The following SEMA6A variants were observed in gnomAD, a reference collection of about 807,000 sequenced individuals.
SEMA6A encodes the protein semaphorin-6A.
SEMA6A carries 25 observed loss-of-function variants against 96.8 expected under a neutral mutation model. The observed-to-expected ratio is 0.26, with a 90% CI of 0.19 to 0.36. SEMA6A has a LOEUF of 0.36. Among genes scored for constraint, SEMA6A ranks in the 10% least tolerant of loss-of-function variants. The pLI is 1.00. For missense variants in SEMA6A, 1,363 were observed against 1,323.1 expected (o/e 1.03, Z -0.47); for synonymous variants, 612 against 518.0 (o/e 1.18, Z -2.46).
intron 18 of SEMA6A, 60 bp downstream of exon 18, chr5:116,467,523 A>C (rs1167106232): frequency 6.6e-6 from 10 of 1,509,806 alleles, no homozygotes; most frequent in Non-Finnish European, 8.9e-6. Flanking sequence ...GCAGTTACAC[A>C]GTCCTCCCCA....
intron 18 of SEMA6A, among the ~76,000 whole-genome samples, chr5:116,464,350 T>A (rs1755598691): frequency 6.6e-6 from 1 of 152,152 alleles, no homozygotes; most frequent in Admixed American, 6.5e-5. Context: ...TTTTTACTAA[T>A]GAATCCAGGG....
intron 1 of SEMA6A, among the ~76,000 whole-genome samples, chr5:116,518,467 A>C (rs1335495999): frequency 6.6e-6 from 1 of 152,246 alleles, no homozygotes; most frequent in Non-Finnish European, 1.5e-5. Flanking sequence ...CAATCACTTT[A>C]ATTACCATCT....
chr5:116,495,723 G>A (rs1380058354), intron 5 of SEMA6A: 3 of 506,406 alleles, frequency 5.9e-6, no homozygotes, highest in East Asian at 6.9e-5. Context: ...ACAAAGCATA[G>A]AATGGAAGAT....
At chr5:116,536,866 T>TTAAAAAAA (rs1561524239) in intron 1 of SEMA6A, among the ~76,000 whole-genome samples, 1 of 69,480 alleles carries the variant, frequency 1.4e-5, no homozygotes, top group Non-Finnish European at 2.9e-5. Context: ...TGTGATTTCT[T>TTAAAAAAA]AAAAAAAAAA....
At chr5:116,526,708 TGC>T (rs1417307859) in intron 1 of SEMA6A, among the ~76,000 whole-genome samples, 3 of 152,238 alleles carry the variant, frequency 2.0e-5, no homozygotes, top group African/African-American at 7.2e-5. Flanking sequence ...TACTATAGAT[TGC>T]ACTAGGCTTT....
intron 1 of SEMA6A, among the ~76,000 whole-genome samples, chr5:116,561,598 T>C (rs1381251598): frequency 6.6e-6 from 1 of 152,250 alleles, no homozygotes; most frequent in Non-Finnish European, 1.5e-5. Flanking sequence ...AGAATTTGCA[T>C]TTCAATAACA....
chr5:116,471,440 T>G (rs1270640692), intron 17 of SEMA6A: 2 of 152,214 alleles, frequency 1.3e-5, no homozygotes, highest in Admixed American at 6.5e-5. Context: ...TTTCAAGATC[T>G]TAATTTCTCA....
Position 116,495,987 on chromosome 5 carries a change from A to T in SEMA6A, c.342+264T>A, listed in dbSNP as rs574732756. The T allele has an allele frequency of 2.2e-5, 9 of 410,940 alleles. No homozygotes were observed. The South Asian group carries it at 2.3e-4, about 10-fold the overall frequency. The allele number at this position is 410,940 out of a possible 1,614,324, so 25.5% of individuals were successfully genotyped here. A position where few individuals can be genotyped will look rare whatever the true frequency, so the allele number is the denominator to read the frequency against. On this transcript the variant is annotated intron_variant, in intron 5 of 18. Transcript: ENST00000343348. ...CATCGGCGTACACTCAGAAGACAAG[A>T]CTCTGGGCAGCCGGCTTTGTGTCCA...
chr5:116,524,499 A>G (rs771957276), intron 1 of SEMA6A, among the ~76,000 whole-genome samples: 33 of 152,178 alleles, frequency 2.2e-4, no homozygotes, highest in Non-Finnish European at 4.1e-4. Flanking sequence ...ACTCCTTTTC[A>G]AGTTATTTGT....
rs758718062 is a variant in SEMA6A, at chr5:116,446,774, C to T, written c.2932G>A (p.Gly978Ser). The part of the protein sequence containing the change: ...SIQVHSSQPS[G>S]QAVTVSRQPS... Reference sequence around the variant, plus strand: ...TGCCTCGAGACAGTCACGGCCTGGCCAGATGGCTGGGAGCTGTGCACCTGG... The same window carrying T: ...TGCCTCGAGACAGTCACGGCCTGGCTAGATGGCTGGGAGCTGTGCACCTGG... The change falls in exon 19 of 19, where the codon GGC becomes AGC. Residue 978 changes from glycine to serine, a missense_variant. Transcript: ENST00000343348. 3.1e-6 allele frequency: 5 copies of T among 1,611,702 alleles called. No homozygotes were observed. Among genetic ancestry groups the T allele is most frequent in the Admixed American group, 1.7e-5 (1 of 59,568 alleles).
rs1757936930 is a variant in SEMA6A, at chr5:116,502,567, G to T, written c.101-240C>A. On this transcript the variant is annotated intron_variant, in intron 2 of 18. Transcript: ENST00000343348. ...TATAAGCCTGGATTTATATTTCTAA[G>T]TGTCACAATTTTTGATTTGTCTCTC... The T allele has an allele frequency of 1.1e-5, 5 of 445,796 alleles. No homozygotes were observed. In the South Asian group the frequency reaches 1.8e-4, roughly 16 times the overall value. The allele number at this position is 445,796 out of a possible 1,614,324, so 27.6% of individuals were successfully genotyped here.
chr5:116,548,530 T>C (rs1580503709), intron 1 of SEMA6A, among the ~76,000 whole-genome samples: 1 of 152,206 alleles, frequency 6.6e-6, no homozygotes, highest in East Asian at 1.9e-4. Flanking sequence ...GGTGTATAAA[T>C]ATAATGCTGC....
chr5:116,470,321 C>T (rs918440084), intron 17 of SEMA6A, among the ~76,000 whole-genome samples: 5 of 152,100 alleles, frequency 3.3e-5, no homozygotes, highest in Admixed American at 3.3e-4. Context: ...AATAGGCAAA[C>T]ATTTGTGGAT....
chr5:116,489,158 GC>G, intron 7 of SEMA6A, 151 bp from the exon 8 acceptor site: 1 of 898,092 alleles, frequency 1.1e-6, no homozygotes, highest in Non-Finnish European at 1.6e-6. Flanking sequence ...AAAACTCTTG[GC>G]CCACATTCCT....
At chr5:116,489,743 A>T (rs1318577475) in intron 7 of SEMA6A, among the ~76,000 whole-genome samples, 1 of 152,216 alleles carries the variant, frequency 6.6e-6, no homozygotes, top group Non-Finnish European at 1.5e-5. Context: ...TGGGGGAGAT[A>T]CGATTGAGGG....
chr5:116,565,363 A>G (rs1014860656), intron 1 of SEMA6A, among the ~76,000 whole-genome samples: 1 of 152,192 alleles, frequency 6.6e-6, no homozygotes, highest in African/African-American at 2.4e-5. Flanking sequence ...AAGACACCCC[A>G]ACACTATGTG....
chr5:116,502,048 C>A (rs572252865), intron 3 of SEMA6A, among the ~76,000 whole-genome samples, 162 bp downstream of exon 3: 28 of 152,276 alleles, frequency 1.8e-4, no homozygotes, highest in African/African-American at 6.7e-4. Flanking sequence ...CAGACACAGA[C>A]AATTTTGAAA....
chr5:116,542,052 G>GCTGCTGGGACAGTATCCTGGGGAA (rs1355223760), intron 1 of SEMA6A, among the ~76,000 whole-genome samples: 2 of 152,214 alleles, frequency 1.3e-5, no homozygotes. Flanking sequence ...CTCTGTCCCT[G>GCTGCTGGGACAGTATCCTGGGGAA]CTGCTGGGAC....
intron 1 of SEMA6A, among the ~76,000 whole-genome samples, chr5:116,538,730 G>T (rs548502614): frequency 6.6e-6 from 1 of 151,956 alleles, no homozygotes; most frequent in Non-Finnish European, 1.5e-5. Flanking sequence ...ACCTTCTAAT[G>T]ATAAAATAAA....
Sources: allele counts gnomAD v4.1 joint callset (sites outside exome capture counted in the v4.1 genomes callset), GRCh38; gene constraint gnomAD v4.1.1; transcripts MANE v1.5; gene names NCBI Gene and HGNC (gene_info 2026-07-23, HGNC 2026-07-21).